The following FNIP1 variants were observed in gnomAD, a reference collection of about 807,000 sequenced individuals.
FNIP1 encodes the protein folliculin-interacting protein 1.
FNIP1 carries 40 observed loss-of-function variants against 124.5 expected under a neutral mutation model. The observed-to-expected ratio is 0.32, with a 90% CI of 0.25 to 0.42. FNIP1 has a LOEUF of 0.42. FNIP1 is among the 10% of genes least tolerant of loss of function. FNIP1 has a pLI of 1.00. For synonymous variants in FNIP1, 472 were observed against 470.6 expected, an observed-to-expected ratio of 1.00 and a Z score of -0.04; for missense variants, 1,176 against 1,403.7, an observed-to-expected ratio of 0.84 and a Z score of 2.59.
At chr5:131,796,611 G>C (rs1175719072) in intron 1 of FNIP1, 3 of 565,670 alleles carry the variant, frequency 5.3e-6, no homozygotes, top group Non-Finnish European at 9.3e-6. Context: ...GGGAGGAGGG[G>C]GAAGGGGCAA....
At chr5:131,700,142 C>G (rs1400619192) in intron 10 of FNIP1, among the ~76,000 whole-genome samples, 1 of 151,730 alleles carries the variant, frequency 6.6e-6, no homozygotes, top group Admixed American at 6.6e-5. Flanking sequence ...CACCACCATG[C>G]CCCGCTAATT....
At chr5:131,711,629 G>C (rs1467519805) in intron 6 of FNIP1, among the ~76,000 whole-genome samples, 1 of 152,150 alleles carries the variant, frequency 6.6e-6, no homozygotes, top group Non-Finnish European at 1.5e-5. Flanking sequence ...CCATGAGCCA[G>C]GACTACAGGT....
At chr5:131,764,199 T>C (rs898094317) in intron 1 of FNIP1, among the ~76,000 whole-genome samples, 1 of 152,158 alleles carries the variant, frequency 6.6e-6, no homozygotes, top group Admixed American at 6.6e-5. Flanking sequence ...GCCAGCATTA[T>C]GCTTCTTGCA....
At chr5:131,781,902 A>G (rs532509886) in intron 1 of FNIP1, among the ~76,000 whole-genome samples, 4 of 152,328 alleles carry the variant, frequency 2.6e-5, no homozygotes, top group African/African-American at 9.6e-5. Context: ...TCATGACTGT[A>G]AATCCCAACA....
chr5:131,764,618 G>A (rs1415326256), intron 1 of FNIP1, among the ~76,000 whole-genome samples: 1 of 151,986 alleles, frequency 6.6e-6, no homozygotes, highest in Non-Finnish European at 1.5e-5. Context: ...CCTATTTAAT[G>A]TTTTTTAAAA....
chr5:131,746,333 C>T (rs757776062), intron 1 of FNIP1, among the ~76,000 whole-genome samples: 1 of 152,106 alleles, frequency 6.6e-6, no homozygotes, highest in Non-Finnish European at 1.5e-5. Context: ...GCATATATCT[C>T]ATGATGCTGA....
intron 1 of FNIP1, among the ~76,000 whole-genome samples, chr5:131,771,213 G>A (rs1253007077): frequency 1.3e-5 from 2 of 152,152 alleles, no homozygotes; most frequent in Admixed American, 6.5e-5. Flanking sequence ...TGGAGAAAGG[G>A]AAACATCTAT....
At chr5:131,705,915 T>TA (rs1243626316) in intron 9 of FNIP1, among the ~76,000 whole-genome samples, 3 of 152,102 alleles carry the variant, frequency 2.0e-5, no homozygotes, top group African/African-American at 7.2e-5. Context: ...TATTCAGTCA[T>TA]AAAAAGGAAT....
In FNIP1 at chr5:131,734,630, C is replaced by T. The variant is rs192422906; in HGVS notation, c.220-3592G>A. 3.2e-3 allele frequency among the ~76,000 whole-genome samples: 486 copies of T among 152,218 alleles called. 3 individuals carry two copies. Among genetic ancestry groups the T allele is most frequent in the African/African-American group, 0.011 (462 of 41,532 alleles). On this transcript the variant is annotated intron_variant, in intron 2 of 17. Transcript: ENST00000510461. The stretch of plus-strand genomic sequence containing the variant: ...AATTTACAAGAAAAAAAACAAACAA[C>T]CCCATCAAAAAGTAGGCGAAGGATA...
chr5:131,702,248 C>A (rs1179827743), intron 10 of FNIP1, among the ~76,000 whole-genome samples: 1 of 152,180 alleles, frequency 6.6e-6, no homozygotes, highest in Non-Finnish European at 1.5e-5. Flanking sequence ...ACAATCACAA[C>A]TCACTACAGC....
intron 1 of FNIP1, among the ~76,000 whole-genome samples, chr5:131,786,993 A>C (rs1772239203): frequency 6.6e-6 from 1 of 152,178 alleles, no homozygotes; most frequent in Non-Finnish European, 1.5e-5. Flanking sequence ...CAACTATCAG[A>C]AGGTAGGTAT....
intron 11 of FNIP1, among the ~76,000 whole-genome samples, chr5:131,693,356 A>ATATG (rs1561658540): frequency 7.2e-6 from 1 of 138,358 alleles, no homozygotes; most frequent in African/African-American, 2.7e-5. Context: ...ATATATATAT[A>ATATG]TATATAGTTA....
chr5:131,728,145 AT>A (rs1769951804), intron 3 of FNIP1, among the ~76,000 whole-genome samples: 1 of 151,960 alleles, frequency 6.6e-6, no homozygotes, highest in African/African-American at 2.4e-5. Flanking sequence ...GAATCTGACG[AT>A]TATGTGTCTT....
At position 131,644,781 on chromosome 5, in the gene FNIP1, A is replaced by C. The variant is rs773910983; in HGVS notation, c.3423-18T>G. The C allele has an allele frequency of 6.2e-6, 10 of 1,612,748 alleles. No homozygotes were observed. Among genetic ancestry groups the C allele is most frequent in the Non-Finnish European group, 7.6e-6 (9 of 1,179,070 alleles). On this transcript the variant is annotated intron_variant, in intron 17 of 17. Coordinates refer to ENST00000510461, the MANE Select transcript of FNIP1 (RefSeq NM_133372.3). ...ATTCAATCCTGAAATAAAGGGGAAA[A>C]AAATGTCAGTTTTGATTTTCTGTAC...
chr5:131,721,105 T>C (rs1301746962), intron 3 of FNIP1, among the ~76,000 whole-genome samples: 1 of 152,158 alleles, frequency 6.6e-6, no homozygotes, highest in Non-Finnish European at 1.5e-5. Context: ...GATGCATGGA[T>C]AAATGAAATA....
Position 131,709,235 on chromosome 5 carries a change from G to C in FNIP1, c.744C>G (p.Leu248=). ...SNPMDMPGRE[L]NEDRDSGIAR... Reference sequence around the variant, plus strand: ...CTATGCCACTGTCTCTGTCCTCATTGAGCTCTCTTCCAGGCATGTCCATTG... The same window carrying C: ...CTATGCCACTGTCTCTGTCCTCATTCAGCTCTCTTCCAGGCATGTCCATTG... The change falls in exon 8 of 18, where the codon CTC becomes CTG. Residue 248 remains leucine (L), a synonymous_variant. Coordinates refer to ENST00000510461, the MANE Select transcript of FNIP1 (RefSeq NM_133372.3). 6.2e-7 allele frequency: 1 copy of C among 1,613,990 alleles called. No homozygotes were observed. The highest frequency in any genetic ancestry group is 8.5e-7 in the Non-Finnish European group (1 of 1,179,934).
intron 1 of FNIP1, among the ~76,000 whole-genome samples, chr5:131,782,554 G>C (rs1249688071): frequency 1.4e-5 from 2 of 146,444 alleles, no homozygotes; most frequent in African/African-American, 5.0e-5. Flanking sequence ...AACAGGGCTA[G>C]ACTCTGTCTC....
At chr5:131,678,531 C>T (rs1767976583) in intron 12 of FNIP1, among the ~76,000 whole-genome samples, 1 of 152,146 alleles carries the variant, frequency 6.6e-6, no homozygotes, top group Non-Finnish European at 1.5e-5. Flanking sequence ...TCTCAGCCTC[C>T]CAAGTAGCTG....
intron 1 of FNIP1, among the ~76,000 whole-genome samples, chr5:131,761,141 T>C (rs1176674079): frequency 6.6e-6 from 1 of 152,216 alleles, no homozygotes; most frequent in Admixed American, 6.5e-5. Flanking sequence ...CTTTTAAATA[T>C]GTCTTCTGAC....
Sources: gnomAD v4.1 joint callset for allele counts (sites outside exome capture counted in the v4.1 genomes callset) on GRCh38, gnomAD v4.1.1 for gene constraint, MANE v1.5 for transcripts, NCBI Gene and HGNC (gene_info 2026-07-23, HGNC 2026-07-21) for gene names.